ARHGEF11: variants seen among roughly 807,000 people sequenced by gnomAD.
The protein encoded by ARHGEF11 is Rho guanine nucleotide exchange factor 11.
A neutral mutation model predicts 193.7 loss-of-function variants in ARHGEF11; 55 were observed. That is an observed-to-expected ratio of 0.28 (90% CI 0.23 to 0.36). The LOEUF (loss-of-function observed/expected upper bound fraction) is 0.36, where lower values mean the gene tolerates loss of function less well. Among genes scored for constraint, ARHGEF11 ranks in the 10% least tolerant of loss-of-function variants. ARHGEF11 has a pLI of 1.00. For missense variants in ARHGEF11, 1,723 were observed against 2,005.6 expected, an observed-to-expected ratio of 0.86 and a Z score of 2.69; for synonymous variants, 693 against 768.0, an observed-to-expected ratio of 0.90 and a Z score of 1.62.
intron 1 of ARHGEF11, among the ~76,000 whole-genome samples, chr1:157,009,179 A>T (rs1037071998): frequency 2.6e-5 from 4 of 152,220 alleles, no homozygotes; most frequent in African/African-American, 9.6e-5. Flanking sequence ...ACATCTTAAA[A>T]TCATGACTTT....
At chr1:156,972,281 G>A (rs938757928) in intron 7 of ARHGEF11, among the ~76,000 whole-genome samples, 2 of 152,190 alleles carry the variant, frequency 1.3e-5, no homozygotes, top group Non-Finnish European at 2.9e-5. Flanking sequence ...GAAGCTCCTG[G>A]AGAGCAGGTA....
chr1:157,033,253 CT>C (rs965090056), intron 1 of ARHGEF11, among the ~76,000 whole-genome samples: 1,973 of 150,982 alleles, frequency 0.013, 39 homozygotes, highest in African/African-American at 0.044. Flanking sequence ...TCCAGAGTTC[CT>C]TTTTTTTTAT....
At chr1:157,037,345 C>G (rs890194174) in intron 1 of ARHGEF11, among the ~76,000 whole-genome samples, 2 of 152,130 alleles carry the variant, frequency 1.3e-5, no homozygotes, top group Non-Finnish European at 2.9e-5. Context: ...AGAATTCTCT[C>G]TTTAAACACT....
chr1:156,997,631 G>A (rs1181719449), intron 1 of ARHGEF11, among the ~76,000 whole-genome samples: 1 of 152,082 alleles, frequency 6.6e-6, no homozygotes, highest in Non-Finnish European at 1.5e-5. Context: ...GTACCCTCTA[G>A]CCCTGCACTG....
Position 156,948,637 on chromosome 1 carries a change from C to G in ARHGEF11, c.1926-139G>C, listed in dbSNP as rs772903774. 6.4e-7 allele frequency: 1 copy of G among 1,573,492 alleles called. No individual in the cohort carries two copies. The highest frequency in any genetic ancestry group is 1.4e-5 in the African/African-American group (1 of 73,990). ...CTCCTCCTGAACATGGCCAAAGCAG[C>G]TGGATGGCAGTGGAAGCTTCTCAAT... On this transcript the variant is annotated intron_variant, in intron 22 of 40. Transcript: ENST00000368194. The surrounding 1 kb of genome is among the most constrained non-coding windows in gnomAD (Gnocchi z 4.2).
intron 22 of ARHGEF11, among the ~76,000 whole-genome samples, chr1:156,949,461 A>G (rs1658748324): frequency 6.6e-6 from 1 of 152,048 alleles, no homozygotes; most frequent in African/African-American, 2.4e-5. Flanking sequence ...AGAGCTCTTA[A>G]TAGCACAGCA....
intron 1 of ARHGEF11, among the ~76,000 whole-genome samples, chr1:156,989,305 T>C (rs1665386886): frequency 6.6e-6 from 1 of 152,122 alleles, no homozygotes; most frequent in South Asian, 2.1e-4. Flanking sequence ...TACATAATCA[T>C]TGACACTCAT....
chr1:156,941,980 C>T lies in ARHGEF11; in HGVS notation c.3336G>A (p.Glu1112=), dbSNP rs1285936583. Residue 1112 remains glutamate, a synonymous_variant, in exon 34 of 41, where the codon GAG becomes GAA. Coordinates refer to ENST00000368194, the MANE Select transcript of ARHGEF11 (RefSeq NM_198236.3). The stretch of plus-strand genomic sequence containing the variant: ...CATTCCGCACGGCCTCTTCTAAGAG[C>T]TCCATCCATCTGTTGCTCGGCAGGA... ...LTSSDKNTWM[E]LLEEAVRNAT... 1 of 1,614,146 alleles carries T rather than the reference C, an allele frequency of 6.2e-7. No homozygotes were observed. The highest frequency in any genetic ancestry group is 8.5e-7 in the Non-Finnish European group (1 of 1,180,012).
chr1:156,942,698 G>T lies in ARHGEF11; in HGVS notation c.3318C>A (p.Asp1106Glu), dbSNP rs767691308. Residue 1106 changes from aspartate to glutamate, a missense_variant, in exon 33 of 41, where the codon GAC (aspartate) becomes GAA (glutamate). Asp to Glu is a conservative substitution (Grantham distance 45). This residue lies in a region of ARHGEF11 where 203 missense variants were observed against 237.3 expected (regional missense o/e 0.86). Coordinates refer to ENST00000368194, the MANE Select transcript of ARHGEF11 (RefSeq NM_198236.3). ...IYELVALTSS[D>E]KNTWMELLEE... ...CCTCAATCAATTCTCACGTGTTCTT[G>T]TCTGATGACGTCAATGCAACCAGCT... is the stretch of plus-strand genomic sequence containing the variant. The T allele has an allele frequency of 6.2e-7, 1 of 1,613,982 alleles. No homozygotes were observed. The highest frequency in any genetic ancestry group is 8.5e-7 in the Non-Finnish European group (1 of 1,179,840).
intron 1 of ARHGEF11, among the ~76,000 whole-genome samples, chr1:157,010,256 C>A (rs909863328): frequency 6.6e-6 from 1 of 151,874 alleles, no homozygotes; most frequent in African/African-American, 2.4e-5. Flanking sequence ...CTGGCCAGGG[C>A]AATTAGGCAA....
At chr1:156,951,841 G>A in intron 21 of ARHGEF11, 142 bp from the exon 22 acceptor site, 1 of 1,108,982 alleles carries the variant, frequency 9.0e-7, no homozygotes, top group Non-Finnish European at 1.3e-6. Flanking sequence ...CAGGAGATGT[G>A]TTCTGGTCCT....
intron 1 of ARHGEF11, among the ~76,000 whole-genome samples, chr1:157,029,167 CAA>C (rs778433244): frequency 1.2e-3 from 60 of 50,492 alleles, no homozygotes; most frequent in African/African-American, 2.5e-3. Context: ...GACCCTGTCT[CAA>C]AAAAAAAAAA....
At chr1:156,959,231 C>T (rs16837847) in intron 15 of ARHGEF11, 89 bp from the exon 16 acceptor site, 51,080 of 1,075,804 alleles carry the variant, frequency 0.047, 1,645 homozygotes, top group South Asian at 0.11. Flanking sequence ...GGCATTTCAG[C>T]TCCCTATGAC....
At chr1:157,001,518 T>C (rs1227390070) in intron 1 of ARHGEF11, among the ~76,000 whole-genome samples, 1 of 152,224 alleles carries the variant, frequency 6.6e-6, no homozygotes, top group Non-Finnish European at 1.5e-5. Context: ...ACTGTGTTTA[T>C]GACAAAGACA....
At chr1:156,992,399 G>A (rs4292955) in intron 1 of ARHGEF11, among the ~76,000 whole-genome samples, 1 of 152,028 alleles carries the variant, frequency 6.6e-6, no homozygotes, top group African/African-American at 2.4e-5. Context: ...TTGCTGGAGG[G>A]CAGAGGTTGC....
chr1:156,962,182 T>C (rs1451076788), intron 13 of ARHGEF11, among the ~76,000 whole-genome samples: 1 of 152,156 alleles, frequency 6.6e-6, no homozygotes, highest in Non-Finnish European at 1.5e-5. Context: ...TTATTTCTCT[T>C]TGTGGTGTGC....
intron 1 of ARHGEF11, among the ~76,000 whole-genome samples, chr1:157,011,314 C>T (rs1368008618): frequency 6.6e-6 from 1 of 152,146 alleles, no homozygotes; most frequent in Non-Finnish European, 1.5e-5. Flanking sequence ...CCCTGCCTCA[C>T]ATCATATACA....
chr1:156,984,735 G>C (rs959940427), intron 2 of ARHGEF11, among the ~76,000 whole-genome samples: 1 of 152,104 alleles, frequency 6.6e-6, no homozygotes, highest in Non-Finnish European at 1.5e-5. Context: ...GGGTGAGACT[G>C]GTCAAAGAAG....
chr1:156,975,866 T>C (rs761102872), intron 7 of ARHGEF11, among the ~76,000 whole-genome samples: 3 of 152,240 alleles, frequency 2.0e-5, no homozygotes, highest in Non-Finnish European at 2.9e-5. Flanking sequence ...TGAAAATCAA[T>C]TGACCATAGA....
Sources: allele counts gnomAD v4.1 joint callset (sites outside exome capture counted in the v4.1 genomes callset), GRCh38; gene constraint gnomAD v4.1.1; regional missense constraint gnomAD v4.1.1; non-coding constraint Gnocchi (gnomAD v3.1); transcripts MANE v1.5; gene names NCBI Gene and HGNC (gene_info 2026-07-23, HGNC 2026-07-21).